Variants in TENM3 observed in about 807,000 individuals in gnomAD.
TENM3 encodes the protein teneurin transmembrane protein 3.
TENM3 carries 63 observed loss-of-function variants against 255.1 expected under a neutral mutation model. The ratio of observed to expected loss-of-function variants is 0.25; its 90% CI spans 0.20 to 0.30. The LOEUF is 0.30. Among genes scored for constraint, TENM3 ranks in the 10% least tolerant of loss-of-function variants. The pLI is 1.00. For synonymous variants in TENM3, 1,306 were observed against 1,322.3 expected (o/e 0.99, Z 0.27); for missense variants, 2,929 against 3,461.1 (o/e 0.85, Z 3.86).
chr4:182,580,829 A>C (rs1337607637), intron 3 of TENM3, among the ~76,000 whole-genome samples: 2 of 152,206 alleles, frequency 1.3e-5, no homozygotes, highest in Non-Finnish European at 2.9e-5. Flanking sequence ...TTCTACGATC[A>C]CTTGTCATTT....
chr4:182,583,120 C>T (rs902701831), intron 3 of TENM3, among the ~76,000 whole-genome samples: 9 of 152,218 alleles, frequency 5.9e-5, no homozygotes, highest in African/African-American at 2.2e-4. Flanking sequence ...AAGACCACAG[C>T]TAACTCAGGA....
chr4:182,553,687 T>C (rs1742302072), intron 3 of TENM3, among the ~76,000 whole-genome samples: 1 of 152,200 alleles, frequency 6.6e-6, no homozygotes, highest in African/African-American at 2.4e-5. Flanking sequence ...CCTCCTCTCA[T>C]TTAGATTTGA....
At chr4:182,390,205 A>T in intron 3 of TENM3, among the ~76,000 whole-genome samples, 1 of 152,194 alleles carries the variant, frequency 6.6e-6, no homozygotes, top group African/African-American at 2.4e-5. Flanking sequence ...TGAGATTTAC[A>T]GATCCGTTTG....
chr4:181,913,231 G>A, the TENM3 span, among the ~76,000 whole-genome samples: 1 of 152,152 alleles, frequency 6.6e-6, no homozygotes, highest in Non-Finnish European at 1.5e-5. Context: ...GGAGATCTGA[G>A]AAGAACTGAA....
chr4:182,613,436 G>T (rs1312640371), intron 4 of TENM3, among the ~76,000 whole-genome samples: 2 of 152,056 alleles, frequency 1.3e-5, no homozygotes, highest in African/African-American at 4.8e-5. Flanking sequence ...ACTTATAATG[G>T]GATTTAGTAC....
intron 3 of TENM3, among the ~76,000 whole-genome samples, chr4:182,359,597 G>C (rs1765815182): frequency 6.8e-6 from 1 of 147,064 alleles, no homozygotes; most frequent in Non-Finnish European, 1.5e-5. Flanking sequence ...GCATCTATTT[G>C]ATTCTTCTCT....
chr4:181,896,945 A>T, the TENM3 span, among the ~76,000 whole-genome samples: 1 of 152,058 alleles, frequency 6.6e-6, no homozygotes, highest in Non-Finnish European at 1.5e-5. Flanking sequence ...ACTGCGGGAG[A>T]CCTTCTTCCT....
intron 1 of TENM3, among the ~76,000 whole-genome samples, chr4:182,254,013 T>C (rs540764641): frequency 1.3e-5 from 2 of 152,268 alleles, no homozygotes; most frequent in East Asian, 3.9e-4. Flanking sequence ...CTTGTATCTT[T>C]CACCCATTCT....
chr4:181,481,490 G>C, the TENM3 span, among the ~76,000 whole-genome samples: 2 of 152,170 alleles, frequency 1.3e-5, no homozygotes. Flanking sequence ...CTGACAGATG[G>C]AAGAGGCACG....
chr4:182,116,592 G>A, the TENM3 span, among the ~76,000 whole-genome samples: 1 of 152,122 alleles, frequency 6.6e-6, no homozygotes, highest in Non-Finnish European at 1.5e-5. Flanking sequence ...CATCATGATT[G>A]TAAGTTTCCT....
chr4:182,184,886 C>G (rs150106080), intron 1 of TENM3, among the ~76,000 whole-genome samples: 1 of 152,072 alleles, frequency 6.6e-6, no homozygotes, highest in Non-Finnish European at 1.5e-5. Flanking sequence ...AGTTCAAGAT[C>G]AGCTTGGCCA....
the TENM3 span, among the ~76,000 whole-genome samples, chr4:182,042,880 CGTGTGTGTGTGT>C: frequency 4.7e-3 from 698 of 149,360 alleles, 6 homozygotes; most frequent in African/African-American, 0.015. Context: ...ATCGTGTGTG[CGTGTGTGTGTGT>C]GTGTGTGTGT....
intron 3 of TENM3, among the ~76,000 whole-genome samples, chr4:182,389,362 C>A: frequency 7.4e-6 from 1 of 135,828 alleles, no homozygotes; most frequent in Admixed American, 7.9e-5. Context: ...GCAAAATAAG[C>A]CAATTTGGGT....
At chr4:182,484,727 T>C (rs1475130930) in intron 3 of TENM3, among the ~76,000 whole-genome samples, 6 of 152,140 alleles carry the variant, frequency 3.9e-5, no homozygotes, top group Non-Finnish European at 7.4e-5. Flanking sequence ...TGCAAATTGG[T>C]CCTTCTTAGA....
chr4:182,112,083 A>T, the TENM3 span, among the ~76,000 whole-genome samples: 1 of 152,266 alleles, frequency 6.6e-6, no homozygotes, highest in Middle Eastern at 3.4e-3. Context: ...TGACCCCGGG[A>T]GTTCCAGGCC....
chr4:181,589,824 C>T, the TENM3 span, among the ~76,000 whole-genome samples: 1 of 152,194 alleles, frequency 6.6e-6, no homozygotes, highest in Non-Finnish European at 1.5e-5. Context: ...GTACGTGATT[C>T]TCTCAGCCTC....
chr4:181,470,296 A>G, the TENM3 span, among the ~76,000 whole-genome samples: 1 of 152,178 alleles, frequency 6.6e-6, no homozygotes, highest in African/African-American at 2.4e-5. Context: ...AATTTGGAGT[A>G]AAATGTACAT....
At chr4:181,798,219 G>A in the TENM3 span, among the ~76,000 whole-genome samples, 1 of 152,052 alleles carries the variant, frequency 6.6e-6, no homozygotes, top group East Asian at 1.9e-4. Flanking sequence ...ACAAACGAGG[G>A]AACTGAGGCA....
chr4:181,572,081 A>C, the TENM3 span, among the ~76,000 whole-genome samples: 1 of 152,228 alleles, frequency 6.6e-6, no homozygotes, highest in Non-Finnish European at 1.5e-5. Flanking sequence ...ACGATAGATT[A>C]ACCACTGTTC....
Sources: allele counts gnomAD v4.1 joint callset (sites outside exome capture counted in the v4.1 genomes callset), GRCh38; gene constraint gnomAD v4.1.1; transcripts MANE v1.5; gene names NCBI Gene and HGNC (gene_info 2026-07-23, HGNC 2026-07-21).